RBMS3: variants seen among roughly 807,000 people sequenced by gnomAD.
RBMS3 encodes RNA binding motif single stranded interacting protein 3, also known as RNA-binding motif, single-stranded-interacting protein 3.
A neutral mutation model predicts 66.8 loss-of-function variants in RBMS3; 27 were observed. The ratio of observed to expected loss-of-function variants is 0.40; its 90% CI spans 0.30 to 0.56. The LOEUF is 0.56. RBMS3 is among the 20% of genes least tolerant of loss of function. RBMS3 has a pLI of 0.40. For missense variants in RBMS3, 513 were observed against 549.5 expected, an observed-to-expected ratio of 0.93 and a Z score of 0.66; for synonymous variants, 188 against 183.0, an observed-to-expected ratio of 1.03 and a Z score of -0.22.
At chr3:29,847,782 A>AGTAGC (rs2058822507) in intron 6 of RBMS3, among the ~76,000 whole-genome samples, 2 of 151,932 alleles carry the variant, frequency 1.3e-5, no homozygotes, top group African/African-American at 4.8e-5. Context: ...CAGCCTCCCA[A>AGTAGC]GTAGCTGGGA....
chr3:29,878,025 G>A (rs1300469507), intron 7 of RBMS3, among the ~76,000 whole-genome samples: 1 of 152,064 alleles, frequency 6.6e-6, no homozygotes, highest in Non-Finnish European at 1.5e-5. Context: ...GGGGTGTTGG[G>A]GAGGGGGTTG....
intron 6 of RBMS3, among the ~76,000 whole-genome samples, chr3:29,807,720 G>C (rs1416805960): frequency 6.6e-6 from 1 of 151,704 alleles, no homozygotes; most frequent in African/African-American, 2.4e-5. Context: ...AGCAAGTGTA[G>C]ATCATGAGAT....
intron 3 of RBMS3, among the ~76,000 whole-genome samples, chr3:29,501,819 G>C (rs2043985439): frequency 6.6e-6 from 1 of 152,144 alleles, no homozygotes; most frequent in South Asian, 2.1e-4. Flanking sequence ...GAGGGATCAT[G>C]AATGGTGTCT....
At chr3:29,726,075 A>G (rs1398174678) in intron 4 of RBMS3, among the ~76,000 whole-genome samples, 1 of 152,208 alleles carries the variant, frequency 6.6e-6, no homozygotes. Context: ...AATAAACATA[A>G]TCCATCACAT....
chr3:29,583,300 C>T (rs74788590), intron 3 of RBMS3, among the ~76,000 whole-genome samples: 7 of 151,996 alleles, frequency 4.6e-5, no homozygotes, highest in Middle Eastern at 3.2e-3. Context: ...AGAGAAGGCA[C>T]GCTAGACTAA....
intron 1 of RBMS3, among the ~76,000 whole-genome samples, chr3:29,379,165 T>C (rs1054042900): frequency 3.3e-5 from 5 of 152,184 alleles, no homozygotes; most frequent in Admixed American, 1.3e-4. Flanking sequence ...TCACATACAG[T>C]GCAAGTCACA....
At chr3:29,682,558 G>A (rs1036886735) in intron 4 of RBMS3, among the ~76,000 whole-genome samples, 6 of 152,196 alleles carry the variant, frequency 3.9e-5, no homozygotes, top group Non-Finnish European at 8.8e-5. Flanking sequence ...AGAGTACCAA[G>A]ATTTCTTACA....
chr3:29,431,756 T>G (rs1328060066), intron 1 of RBMS3, among the ~76,000 whole-genome samples: 1 of 152,146 alleles, frequency 6.6e-6, no homozygotes, highest in Non-Finnish European at 1.5e-5. Context: ...GACTGGGTCT[T>G]GCTCTGTTGC....
At chr3:29,928,205 T>TACACAC (rs1348801229) in intron 10 of RBMS3, among the ~76,000 whole-genome samples, 12 of 112,434 alleles carry the variant, frequency 1.1e-4, no homozygotes, top group African/African-American at 4.2e-4. Flanking sequence ...TATATATATA[T>TACACAC]ATATATACAC....
At chr3:29,363,909 A>G (rs953080709) in intron 1 of RBMS3, among the ~76,000 whole-genome samples, 2 of 152,054 alleles carry the variant, frequency 1.3e-5, no homozygotes, top group Non-Finnish European at 2.9e-5. Flanking sequence ...TTTAAAACAT[A>G]TTATTTAATG....
At chr3:29,655,884 C>A (rs1044080476) in intron 4 of RBMS3, among the ~76,000 whole-genome samples, 15 of 151,432 alleles carry the variant, frequency 9.9e-5, no homozygotes, top group Non-Finnish European at 2.2e-4. Context: ...CTGAACCTGA[C>A]CCTGTATATG....
intron 2 of RBMS3, among the ~76,000 whole-genome samples, chr3:29,483,152 C>CA (rs1219089834): frequency 2.7e-5 from 4 of 147,832 alleles, no homozygotes; most frequent in Non-Finnish European, 6.0e-5. Flanking sequence ...AAAAAAAATA[C>CA]AAAAAAATTA....
chr3:29,613,983 T>G (rs2048575552), intron 4 of RBMS3, among the ~76,000 whole-genome samples: 1 of 152,112 alleles, frequency 6.6e-6, no homozygotes, highest in African/African-American at 2.4e-5. Context: ...TGAGTATATA[T>G]CTAAAGGAAA....
chr3:29,933,056 G>C (rs2061171492), intron 10 of RBMS3, among the ~76,000 whole-genome samples: 1 of 152,148 alleles, frequency 6.6e-6, no homozygotes. Context: ...CAGACATCCA[G>C]AGATGCTAAA....
At chr3:29,720,701 TGTGTGTGTGTGTGTGA>T (rs1413302371) in intron 4 of RBMS3, among the ~76,000 whole-genome samples, 1 of 151,130 alleles carries the variant, frequency 6.6e-6, no homozygotes, top group Non-Finnish European at 1.5e-5. Context: ...AGAATCTGTG[TGTGTGTGTGTGTGTGA>T]GTGTGTGTGT....
rs370959178 is a variant in RBMS3, at chr3:29,751,003, CATA to C, written c.557+11133_557+11135del. On this transcript the variant is annotated intron_variant, in intron 5 of 14. Transcript: ENST00000383767. The stretch of plus-strand genomic sequence containing the variant: ...ATCAAAATAGAATCTGAAGTCAATG[CATA>C]ATAATAGTCATTTATTTTGTGAAAA... Among the ~76,000 whole-genome samples the C allele has an allele frequency of 4.5e-3, 686 of 152,108 alleles. 5 individuals are homozygous for C. Among genetic ancestry groups the C allele is most frequent in the Middle Eastern group, 0.041 (12 of 294 alleles).
At chr3:29,855,328 A>G (rs190808149) in intron 6 of RBMS3, among the ~76,000 whole-genome samples, 100 of 152,332 alleles carry the variant, frequency 6.6e-4, no homozygotes, top group Non-Finnish European at 7.8e-4. Flanking sequence ...TGTGAAAACT[A>G]CATCAAATAT....
intron 6 of RBMS3, among the ~76,000 whole-genome samples, chr3:29,786,535 A>T (rs2056826576): frequency 6.6e-6 from 1 of 152,152 alleles, no homozygotes; most frequent in Non-Finnish European, 1.5e-5. Flanking sequence ...CCCAGAAATA[A>T]GCCAAATACT....
chr3:29,891,034 G>A (rs1465476923), intron 8 of RBMS3, among the ~76,000 whole-genome samples: 1 of 151,550 alleles, frequency 6.6e-6, no homozygotes, highest in Non-Finnish European at 1.5e-5. Context: ...CATATTTTGT[G>A]ATCCTATGGA....
Sources: allele counts gnomAD v4.1 joint callset (sites outside exome capture counted in the v4.1 genomes callset), GRCh38; gene constraint gnomAD v4.1.1; transcripts MANE v1.5; gene names NCBI Gene and HGNC (gene_info 2026-07-23, HGNC 2026-07-21).